The following EHBP1L1 variants were observed in gnomAD, a reference collection of about 807,000 sequenced individuals.
The protein encoded by EHBP1L1 is EH domain-binding protein 1-like protein 1.
In EHBP1L1, 122 loss-of-function variants were observed where a neutral mutation model predicts 151.1. The observed-to-expected ratio is 0.81, with a 90% CI of 0.70 to 0.94. The LOEUF (loss-of-function observed/expected upper bound fraction) is 0.94, where lower values mean the gene tolerates loss of function less well. Ranked by LOEUF, EHBP1L1 falls within the 40% of genes least tolerant of loss-of-function variation. The probability of loss-of-function intolerance (pLI) is 0.00; values close to 1 mark genes in which losing one functional copy is unlikely to be tolerated. For synonymous variants in EHBP1L1, 878 were observed against 810.1 expected (o/e 1.08, Z -1.42); for missense variants, 1,941 against 1,959.8 (o/e 0.99, Z 0.18).
At position 65,583,223 on chromosome 11, in the gene EHBP1L1, A is replaced by T. The variant is rs761648664; in HGVS notation, c.2551A>T (p.Ile851Phe). The T allele has an allele frequency of 1.2e-6, 2 of 1,613,314 alleles. No individual in the cohort carries two copies. The highest frequency in any genetic ancestry group is 3.3e-5 in the Admixed American group (2 of 60,000). Reference protein sequence around the residue: ...AQETEVGGSGISGPEAGMAEA... With the variant: ...AQETEVGGSGFSGPEAGMAEA... The stretch of plus-strand genomic sequence containing the variant: ...GGAGACAGAGGTCGGGGGTTCAGGG[A>T]TCTCAGGGCCCGAGGCTGGAATGGC... The change falls in exon 9 of 19, where the codon ATC becomes TTC. Residue 851 changes from isoleucine (I) to phenylalanine (F), a missense_variant. By Grantham distance (21) the Ile-to-Phe change is conservative. Transcript: ENST00000309295.
rs750234474 is a variant in EHBP1L1, at chr11:65,580,469, C to G, written c.624C>G (p.Val208=). The change falls in exon 6 of 19, where the codon GTC becomes GTG. Residue 208 remains valine (V), a synonymous_variant. Coordinates refer to ENST00000309295, the MANE Select transcript of EHBP1L1 (RefSeq NM_001099409.3). ...GAGCCCCGGAGGCCCGGGCTCGAGT[C>G]CCCCAGCCAGGTGGGCTCACAGCCT... ...GPGAPEARAR[V]PQPDPSRELK... is the part of the protein sequence containing the mutation. 1 of 1,611,984 alleles carries G rather than the reference C, an allele frequency of 6.2e-7. No individual in the cohort carries two copies. The highest frequency in any genetic ancestry group is 1.3e-5 in the African/African-American group (1 of 75,014).
At chr11:65,580,686 T>A (rs959253184) in intron 6 of EHBP1L1, among the ~76,000 whole-genome samples, 1 of 152,098 alleles carries the variant, frequency 6.6e-6, no homozygotes, top group African/African-American at 2.4e-5. Flanking sequence ...GGAGGATGGG[T>A]TCCCAATGTC....
chr11:65,585,117 C>T lies in EHBP1L1; in HGVS notation c.3459C>T (p.Gly1153=). The T allele has an allele frequency of 2.7e-6, 4 of 1,503,472 alleles. No individual in the cohort carries two copies. The highest frequency in any genetic ancestry group is 3.5e-6 in the Non-Finnish European group (4 of 1,133,684). The allele number at this position is 1,503,472 out of a possible 1,614,324, so 93.1% of individuals were successfully genotyped here. ...AGCTGCAGCTGGTACAACTGGAGGGCGGCGGCGGCGCCGGCACGTACCGCG... is the reference window on the plus strand; with the variant it reads ...AGCTGCAGCTGGTACAACTGGAGGGTGGCGGCGGCGCCGGCACGTACCGCG... ...GQELQLVQLE[G]GGGAGTYRVG... is the part of the protein sequence containing the mutation. Residue 1153 remains glycine (G), a synonymous_variant, in exon 12 of 19, where the codon GGC becomes GGT. Transcript: ENST00000309295. The surrounding 1 kb of genome is among the most constrained non-coding windows in gnomAD (Gnocchi z 4.0).
In EHBP1L1 at chr11:65,580,471, C is replaced by G. The variant is rs201391093; in HGVS notation, c.626C>G (p.Pro209Arg). The G allele has an allele frequency of 3.7e-4, 600 of 1,612,084 alleles. No individual in the cohort carries two copies. The highest frequency in any genetic ancestry group is 4.7e-4 in the Non-Finnish European group (560 of 1,179,722). ...GCCCCGGAGGCCCGGGCTCGAGTCC[C>G]CCAGCCAGGTGGGCTCACAGCCTGC... is the stretch of plus-strand genomic sequence containing the variant. ...PGAPEARARV[P>R]QPDPSRELKT... is the part of the protein sequence containing the mutation. Residue 209 changes from proline to arginine, a missense_variant, in exon 6 of 19, where the codon CCC becomes CGC. Pro to Arg is a moderately radical substitution (Grantham distance 103). Coordinates refer to ENST00000309295, the MANE Select transcript of EHBP1L1 (RefSeq NM_001099409.3).
At chr11:65,576,727 T>A (rs1857348196) in intron 1 of EHBP1L1, among the ~76,000 whole-genome samples, 1 of 152,082 alleles carries the variant, frequency 6.6e-6, no homozygotes, top group Admixed American at 6.6e-5. Flanking sequence ...GAAAGGTGGT[T>A]CAGGGTGGCA....
At chr11:65,588,114 G>A (rs1344609130) in intron 12 of EHBP1L1, among the ~76,000 whole-genome samples, 1 of 152,122 alleles carries the variant, frequency 6.6e-6, no homozygotes, top group Non-Finnish European at 1.5e-5. Flanking sequence ...GCCCAGCCTG[G>A]GGATCAGAGG....
rs183233373 is a variant in EHBP1L1 at position 65,581,769 on chromosome 11, G to T, written c.1097G>T (p.Gly366Val). 3.1e-4 allele frequency: 496 copies of T among 1,612,150 alleles called. No individual in the cohort carries two copies. Among genetic ancestry groups the T allele is most frequent in the Non-Finnish European group, 4.0e-4 (468 of 1,179,122 alleles). The change falls in exon 9 of 19, where the codon GGT (glycine) becomes GTT (valine). Residue 366 changes from glycine (G) to valine (V), a missense_variant. By Grantham distance (109) the Gly-to-Val change is moderately radical (BLOSUM62 -3). Coordinates refer to ENST00000309295, the MANE Select transcript of EHBP1L1 (RefSeq NM_001099409.3). ...ARLGPSIEDKGSGDPFGRQRL... is the reference protein window; with the variant it reads ...ARLGPSIEDKVSGDPFGRQRL... ...CTGGGCCCGAGCATTGAGGATAAAG[G>T]TTCTGGAGACCCTTTTGGAAGGCAG...
At chr11:65,579,911 T>A in intron 3 of EHBP1L1, 25 bp from the exon 4 acceptor site, 1 of 1,613,162 alleles carries the variant, frequency 6.2e-7, no homozygotes, top group Non-Finnish European at 8.5e-7. Context: ...AACAGTCCTG[T>A]ACTCACCAGC....
chr11:65,591,212 G>A lies in EHBP1L1; in HGVS notation c.4284-588G>A, dbSNP rs139868792. 1,055 of 163,176 alleles carry A rather than the reference G, an allele frequency of 6.5e-3. 8 individuals carry two copies. The highest frequency in any genetic ancestry group is 0.021 in the South Asian group (141 of 6,664). 10.1% of individuals were successfully genotyped at this position (163,176 alleles called of 1,614,324 possible). On this transcript the variant is annotated intron_variant, in intron 16 of 18. Coordinates refer to ENST00000309295, the MANE Select transcript of EHBP1L1 (RefSeq NM_001099409.3). ...CATCTGGCTAACACAGTGAAACCCC[G>A]TCTCTACTAAAAATACAAAACATTA...
rs557908585 is a variant in EHBP1L1, at chr11:65,579,279, T to C, written c.163-62T>C. 26 of 1,412,522 alleles carry C rather than the reference T, an allele frequency of 1.8e-5. No individual in the cohort carries two copies. The African/African-American group carries it at 3.7e-4, about 20-fold the overall frequency. The allele number at this position is 1,412,522 out of a possible 1,614,324, so 87.5% of individuals were successfully genotyped here. ...GGGAAGATGGTGTCAAGGTTGGTGA[T>C]AGGGGGTGCAGGTGGGAGGGAAGAG... On this transcript the variant is annotated intron_variant, in intron 2 of 18. Transcript: ENST00000309295.
At position 65,582,551 on chromosome 11, in the gene EHBP1L1, C is replaced by T; in HGVS notation, c.1879C>T (p.Gln627Ter). 6.2e-7 allele frequency: 1 copy of T among 1,613,302 alleles called. No individual in the cohort carries two copies. The highest frequency in any genetic ancestry group is 2.2e-5 in the East Asian group (1 of 44,854). ...GGAGTCAGAGGTTGCTGGGACAGCACAGTGTGAGGGACTGGAGACCCAGGA... is the reference window on the plus strand; with the variant it reads ...GGAGTCAGAGGTTGCTGGGACAGCATAGTGTGAGGGACTGGAGACCCAGGA... ...VLESEVAGTA[Q>*]CEGLETQETE... Residue 627 changes from glutamine (Q) to a stop codon, truncating the protein, a stop_gained, in exon 9 of 19, where the codon CAG (glutamine) becomes TAG (stop). Transcript: ENST00000309295. LOFTEE classifies it high-confidence loss of function.
chr11:65,576,505 A>T, intron 1 of EHBP1L1, 99 bp downstream of exon 1: 4 of 1,066,212 alleles, frequency 3.8e-6, no homozygotes, highest in Non-Finnish European at 5.3e-6. Context: ...CCAATGACCA[A>T]ATGGGCCCCC....
intron 12 of EHBP1L1, among the ~76,000 whole-genome samples, chr11:65,588,373 G>A (rs1858084799): frequency 6.6e-6 from 1 of 152,178 alleles, no homozygotes; most frequent in African/African-American, 2.4e-5. Flanking sequence ...GGCCGCCTGA[G>A]GCTTTGGCAT....
Position 65,583,763 on chromosome 11 carries a change from C to G in EHBP1L1, c.3091C>G (p.Gln1031Glu). 1 of 1,482,198 alleles carries G rather than the reference C, an allele frequency of 6.7e-7. No homozygotes were observed. Among genetic ancestry groups the G allele is most frequent in the Non-Finnish European group, 8.9e-7 (1 of 1,119,782 alleles). 91.8% of individuals were successfully genotyped at this position (1,482,198 alleles called of 1,614,324 possible). A position where few individuals can be genotyped will look rare whatever the true frequency, so the allele number is the denominator to read the frequency against. Residue 1031 changes from glutamine to glutamate, a missense_variant and splice_region_variant, in exon 9 of 19, where the codon CAG becomes GAG. Physicochemically the swap from Gln to Glu is conservative, Grantham distance 29 (BLOSUM62 2). Coordinates refer to ENST00000309295, the MANE Select transcript of EHBP1L1 (RefSeq NM_001099409.3). ...AGAGGACAGGAGGCTGCCGGGCAGC[C>G]AGGTAGGGATGGGGGCCGCCGAGGG... The part of the protein sequence containing the change: ...AEEDRRLPGS[Q>E]APPALVSSSQ...
rs1399798289 is a variant in EHBP1L1 at position 65,584,488 on chromosome 11, A to G, written c.3254A>G (p.Asp1085Gly). 5.0e-6 allele frequency: 8 copies of G among 1,613,204 alleles called. 2 individuals carry two copies. In the South Asian group the frequency reaches 8.8e-5, roughly 18 times the overall value. ...TCTGACCAGCACACTCTCTGCAGTG[A>G]CTATGCCTCGCTAGACCCACTCAAC... ...ILHRFYPDKI[D>G]YASLDPLNIK... The change falls in exon 11 of 19, where the codon GAC becomes GGC. Residue 1085 changes from aspartate (D) to glycine (G), a missense_variant and splice_region_variant. Transcript: ENST00000309295.
chr11:65,585,417 G>A lies in EHBP1L1; in HGVS notation c.3759G>A (p.Leu1253=), dbSNP rs527631283. 5.3e-4 allele frequency: 753 copies of A among 1,431,048 alleles called. 18 individuals are homozygous for A. In the South Asian group the frequency reaches 9.8e-3, roughly 19 times the overall value. 88.6% of individuals were successfully genotyped at this position (1,431,048 alleles called of 1,614,324 possible). A position where few individuals can be genotyped will look rare whatever the true frequency, so the allele number is the denominator to read the frequency against. Reference sequence around the variant, plus strand: ...CACCGGGCGGCGGCGGCGTGAGGCTGCGACGGCCCTCGGTCAACGGGGAGC... The same window carrying A: ...CACCGGGCGGCGGCGGCGTGAGGCTACGACGGCCCTCGGTCAACGGGGAGC... ...AGAPGGGGVR[L]RRPSVNGEPG... is the part of the protein sequence containing the mutation. Residue 1253 remains leucine, a synonymous_variant, in exon 12 of 19, where the codon CTG becomes CTA. Coordinates refer to ENST00000309295, the MANE Select transcript of EHBP1L1 (RefSeq NM_001099409.3). The surrounding 1 kb of genome is among the most constrained non-coding windows in gnomAD (Gnocchi z 4.0).
In EHBP1L1 at chr11:65,578,944, T is replaced by A. The variant is rs2135230221; in HGVS notation, c.105-134T>A. ...CCCAGATAAGGGGCTGCCCAGGCCC[T>A]CTTCTGGAGGAGGGGGAGGTGGGCA... On this transcript the variant is annotated intron_variant, in intron 1 of 18. Transcript: ENST00000309295. 3.4e-6 allele frequency: 3 copies of A among 871,482 alleles called. No individual in the cohort carries two copies. In the East Asian group the frequency reaches 8.0e-5, roughly 23 times the overall value. 54.0% of individuals were successfully genotyped at this position (871,482 alleles called of 1,614,324 possible). A position where few individuals can be genotyped will look rare whatever the true frequency, so the allele number is the denominator to read the frequency against.
In EHBP1L1 at chr11:65,590,006, G is replaced by A. The variant is rs1858179774; in HGVS notation, c.4059+15G>A. 1 of 1,606,132 alleles carries A rather than the reference G, an allele frequency of 6.2e-7. No homozygotes were observed. The highest frequency in any genetic ancestry group is 8.5e-7 in the Non-Finnish European group (1 of 1,174,204). On this transcript the variant is annotated intron_variant, in intron 14 of 18. Transcript: ENST00000309295. ...AGGCTGGGCTGGTAAGGAGGGCTAAGTGGGAGGAGCTGATGGGTGAGCACC... is the reference window on the plus strand; with the variant it reads ...AGGCTGGGCTGGTAAGGAGGGCTAAATGGGAGGAGCTGATGGGTGAGCACC...
intron 12 of EHBP1L1, among the ~76,000 whole-genome samples, chr11:65,587,650 G>A (rs1371093733): frequency 6.6e-6 from 1 of 152,220 alleles, no homozygotes; most frequent in Non-Finnish European, 1.5e-5. Flanking sequence ...TAGAAGCCCT[G>A]CAGCTCCCAG....
Sources: gnomAD v4.1 joint callset for allele counts (sites outside exome capture counted in the v4.1 genomes callset) on GRCh38, gnomAD v4.1.1 for gene constraint, Gnocchi (gnomAD v3.1) non-coding constraint, MANE v1.5 for transcripts, NCBI Gene and HGNC (gene_info 2026-07-23, HGNC 2026-07-21) for gene names.